LRP6: variants seen among roughly 807,000 people sequenced by gnomAD.
LRP6 encodes the protein LDL receptor related protein 6.
Under a neutral mutation model 184.1 loss-of-function variants are expected in LRP6, and 43 were observed. The ratio of observed to expected loss-of-function variants is 0.23; its 90% CI spans 0.18 to 0.30. LRP6 has a LOEUF of 0.30. Ranked by LOEUF, LRP6 falls within the 10% of genes least tolerant of loss-of-function variation. The pLI is 1.00. For missense variants in LRP6, 1,571 were observed against 2,005.3 expected (o/e 0.78, Z 4.14); for synonymous variants, 719 against 684.9 (o/e 1.05, Z -0.78).
In LRP6 at chr12:12,162,182, A is replaced by C. The variant is rs773188344; in HGVS notation, c.2279+11T>G. 1.5e-5 allele frequency: 24 copies of C among 1,609,882 alleles called. No homozygotes were observed. In the East Asian group the frequency reaches 4.7e-4, roughly 31 times the overall value. On this transcript the variant is annotated intron_variant, in intron 10 of 22. Transcript: ENST00000261349. ...TGCAGTTGCAAAGAATGCACATGTA[A>C]AGCTGTTTACCCTTCGGCAGGGTCC...
At chr12:12,226,953 G>C (rs1864641351) in intron 2 of LRP6, among the ~76,000 whole-genome samples, 1 of 152,064 alleles carries the variant, frequency 6.6e-6, no homozygotes, top group East Asian at 1.9e-4. Context: ...GAACAAGCGG[G>C]AAAAGGCAAA....
At position 12,126,898 on chromosome 12, in the gene LRP6, G is replaced by A; in HGVS notation, c.4105C>T (p.Gln1369Ter). The change falls in exon 20 of 23, where the codon CAG becomes TAG. Residue 1369 changes from glutamine to a stop codon, truncating the protein, a stop_gained. Coordinates refer to ENST00000261349, the MANE Select transcript of LRP6 (RefSeq NM_002336.3). LOFTEE classifies it high-confidence loss of function. ...ACAGAACCAACTGTATTGGTGGCCT[G>A]TGGTGCTGGTTCTTCAGTCGGATCT... is the stretch of plus-strand genomic sequence containing the variant. ...DCYPTEEPAP[Q>*]ATNTVGSVIG... 6.2e-7 allele frequency: 1 copy of A among 1,614,122 alleles called. No homozygotes were observed.
At chr12:12,140,292 T>G (rs561927260) in intron 15 of LRP6, among the ~76,000 whole-genome samples, 9 of 151,336 alleles carry the variant, frequency 5.9e-5, no homozygotes, top group Non-Finnish European at 1.3e-4. Context: ...AAACATGATA[T>G]CCAAAAATTT....
At chr12:12,224,861 T>C (rs540760111) in intron 2 of LRP6, among the ~76,000 whole-genome samples, 36 of 152,204 alleles carry the variant, frequency 2.4e-4, no homozygotes, top group Middle Eastern at 3.4e-3. Context: ...AGGATATAAA[T>C]AAGGTAAGAA....
At chr12:12,245,884 A>G (rs1865171013) in intron 1 of LRP6, among the ~76,000 whole-genome samples, 1 of 151,920 alleles carries the variant, frequency 6.6e-6, no homozygotes, top group Admixed American at 6.6e-5. Context: ...TTCTGTGATG[A>G]TGGAAATGTC....
chr12:12,264,665 A>C (rs1010102247), intron 1 of LRP6, among the ~76,000 whole-genome samples: 2 of 152,224 alleles, frequency 1.3e-5, no homozygotes, highest in Non-Finnish European at 2.9e-5. Flanking sequence ...AGGTTGACTA[A>C]ATATCTTTAC....
At chr12:12,122,633 C>T (rs1249344293) in intron 22 of LRP6, among the ~76,000 whole-genome samples, 1 of 151,980 alleles carries the variant, frequency 6.6e-6, no homozygotes, top group Non-Finnish European at 1.5e-5. Context: ...AGAAAGAAAC[C>T]AGCCTGGGCA....
At position 12,151,000 on chromosome 12, in the gene LRP6, T is replaced by C. The variant is rs768741895; in HGVS notation, c.2830A>G (p.Ile944Val). 9.9e-6 allele frequency: 16 copies of C among 1,614,066 alleles called. No individual in the cohort carries two copies. The Admixed American group carries it at 1.5e-4, about 15-fold the overall frequency. ...TGTTCATCAATCACCATGCGGTTGATGGCACTCTTTTGACTGAAGAGCAGG... is the reference window on the plus strand; with the variant it reads ...TGTTCATCAATCACCATGCGGTTGACGGCACTCTTTTGACTGAAGAGCAGG... The part of the protein sequence containing the change: ...TFLLFSQKSA[I>V]NRMVIDEQQS... Residue 944 changes from isoleucine (I) to valine (V), a missense_variant, in exon 13 of 23, where the codon ATC becomes GTC. This residue lies in a region of LRP6 where 763 missense variants were observed against 859.5 expected (regional missense o/e 0.89). Coordinates refer to ENST00000261349, the MANE Select transcript of LRP6 (RefSeq NM_002336.3).
intron 9 of LRP6, 146 bp from the exon 10 acceptor site, chr12:12,162,565 C>T (rs540862536): frequency 2.9e-6 from 2 of 693,072 alleles, no homozygotes; most frequent in Admixed American, 2.3e-5. Flanking sequence ...ACATAACTTG[C>T]AAGCACAGAA....
In LRP6 at chr12:12,229,383, AAAAAGAAG is replaced by A. The variant is rs1193573266; in HGVS notation, c.449+14871_449+14878del. ...GAAACTCCATTTCAAAAAAAAAAAAAAAAAGAAGAAGAAGAAGAATATCTCACACTGAG... is the reference window on the plus strand; with the variant it reads ...GAAACTCCATTTCAAAAAAAAAAAAAAAGAAGAAGAATATCTCACACTGAG... On this transcript the variant is annotated intron_variant, in intron 2 of 22. Transcript: ENST00000261349. Among the ~76,000 whole-genome samples, 44 of 103,650 alleles carry A rather than the reference AAAAAGAAG, an allele frequency of 4.2e-4. 1 individual carries two copies. The highest frequency in any genetic ancestry group is 1.3e-3 in the African/African-American group (42 of 32,162). The allele number at this position is 103,650 out of a possible 152,430, so 68.0% of individuals were successfully genotyped here. A position where few individuals can be genotyped will look rare whatever the true frequency, so the allele number is the denominator to read the frequency against.
In LRP6 at chr12:12,149,105, G is replaced by C; in HGVS notation, c.3043C>G (p.Gln1015Glu). ...ATATCAATGCTGAGGTCATAGGGTT[G>C]TATTTCCAGGTTCTGACTCGGAACT... is the stretch of plus-strand genomic sequence containing the variant. ...SSVPSQNLEI[Q>E]PYDLSIDIYS... Residue 1015 changes from glutamine to glutamate, a missense_variant, in exon 14 of 23, where the codon CAA (glutamine) becomes GAA (glutamate). Coordinates refer to ENST00000261349, the MANE Select transcript of LRP6 (RefSeq NM_002336.3). The C allele has an allele frequency of 6.2e-7, 1 of 1,614,010 alleles. No homozygotes were observed. The highest frequency in any genetic ancestry group is 8.5e-7 in the Non-Finnish European group (1 of 1,180,010).
intron 4 of LRP6, among the ~76,000 whole-genome samples, chr12:12,186,002 C>G (rs1448838045): frequency 6.6e-6 from 1 of 151,976 alleles, no homozygotes; most frequent in Non-Finnish European, 1.5e-5. Context: ...CACGCCACCA[C>G]GCCTGGCTAA....
At chr12:12,183,563 T>C (rs1863396143) in intron 5 of LRP6, among the ~76,000 whole-genome samples, 1 of 152,210 alleles carries the variant, frequency 6.6e-6, no homozygotes, top group East Asian at 1.9e-4. Flanking sequence ...CTTAAATAAT[T>C]TGTTATAAAA....
intron 1 of LRP6, among the ~76,000 whole-genome samples, chr12:12,255,475 T>C (rs1865438315): frequency 6.6e-6 from 1 of 151,898 alleles, no homozygotes; most frequent in Non-Finnish European, 1.5e-5. Context: ...GCAGATCCTG[T>C]AGTAAGCATG....
chr12:12,203,019 T>A (rs954935404), intron 3 of LRP6, among the ~76,000 whole-genome samples, 184 bp downstream of exon 3: 39 of 152,318 alleles, frequency 2.6e-4, no homozygotes, highest in African/African-American at 9.1e-4. Flanking sequence ...CTAAATGCTA[T>A]CAAGATGGAT....
chr12:12,158,712 C>G (rs750277012), intron 12 of LRP6, 117 bp downstream of exon 12: 194 of 1,008,342 alleles, frequency 1.9e-4, no homozygotes, highest in Non-Finnish European at 2.8e-4. Flanking sequence ...TTTAACCAAA[C>G]AAATAACCCC....
chr12:12,157,655 G>C (rs556860116), intron 12 of LRP6, among the ~76,000 whole-genome samples: 15 of 152,086 alleles, frequency 9.9e-5, no homozygotes, highest in African/African-American at 3.6e-4. Context: ...TTTCCTATGG[G>C]AATTCTGACA....
intron 2 of LRP6, among the ~76,000 whole-genome samples, chr12:12,222,331 C>T (rs1006836655): frequency 1.3e-5 from 2 of 151,896 alleles, no homozygotes; most frequent in South Asian, 2.1e-4. Flanking sequence ...TTTGGGAGGT[C>T]GAGGCGGGCG....
intron 7 of LRP6, among the ~76,000 whole-genome samples, chr12:12,172,836 C>G (rs1159421673): frequency 6.6e-6 from 1 of 152,124 alleles, no homozygotes; most frequent in Non-Finnish European, 1.5e-5. Context: ...ATGCTTTGGA[C>G]CCAGTAGGTG....
Sources: allele counts gnomAD v4.1 joint callset (sites outside exome capture counted in the v4.1 genomes callset), GRCh38; gene constraint gnomAD v4.1.1; regional missense constraint gnomAD v4.1.1; transcripts MANE v1.5; gene names NCBI Gene and HGNC (gene_info 2026-07-23, HGNC 2026-07-21).